The following WWOX variants were observed in gnomAD, a reference collection of about 807,000 sequenced individuals.
WWOX encodes WW domain containing oxidoreductase.
WWOX carries 69 observed loss-of-function variants against 46.2 expected under a neutral mutation model. That is an observed-to-expected ratio of 1.49 (90% CI 1.23 to 1.82). The LOEUF (loss-of-function observed/expected upper bound fraction) is 1.82, where lower values mean the gene tolerates loss of function less well. WWOX is among the 40% of genes most tolerant of loss of function. The pLI is 0.00. For missense variants in WWOX, 919 were observed against 542.6 expected (o/e 1.69, Z -6.89); for synonymous variants, 359 against 202.6 (o/e 1.77, Z -6.56).
chr16:78,123,860 C>T (rs1411155643), intron 4 of WWOX: 1 of 152,080 alleles, frequency 6.6e-6, no homozygotes, highest in African/African-American at 2.4e-5. Flanking sequence ...ATGATACATT[C>T]TTGCTGTAGA....
At chr16:78,331,847 T>G (rs1156343983) in intron 5 of WWOX, among the ~76,000 whole-genome samples, 1 of 152,222 alleles carries the variant, frequency 6.6e-6, no homozygotes, top group Admixed American at 6.5e-5. Flanking sequence ...CAACAACGTG[T>G]CAGATGTCTG....
intron 8 of WWOX, among the ~76,000 whole-genome samples, chr16:78,703,953 A>G (rs569422675): frequency 5.9e-4 from 90 of 152,214 alleles, no homozygotes; most frequent in African/African-American, 1.7e-4. Context: ...ATACCATAAT[A>G]TTTATCATTT....
In WWOX at chr16:78,824,526, G is replaced by C. The variant is rs544843826; in HGVS notation, c.1057-387082G>C. The stretch of plus-strand genomic sequence containing the variant: ...GTTTGTTTTTCACGCTGCTGATAAA[G>C]ACACACCCGAGACTGGGAAGAAAAA... On this transcript the variant is annotated intron_variant, in intron 8 of 8. Transcript: ENST00000566780. Among the ~76,000 whole-genome samples, 105 of 152,134 alleles carry C rather than the reference G, an allele frequency of 6.9e-4. 1 individual carries two copies. Among genetic ancestry groups the C allele is most frequent in the Non-Finnish European group, 1.2e-3 (79 of 68,032 alleles).
intron 8 of WWOX, among the ~76,000 whole-genome samples, chr16:78,919,323 T>C (rs1597150530): frequency 6.6e-6 from 1 of 151,772 alleles, no homozygotes; most frequent in East Asian, 2.0e-4. Context: ...TCACCCAGGA[T>C]CAAGCAGAGG....
intron 8 of WWOX, among the ~76,000 whole-genome samples, chr16:78,734,366 G>T (rs115721158): frequency 2.0e-5 from 3 of 152,016 alleles, no homozygotes; most frequent in Non-Finnish European, 4.4e-5. Flanking sequence ...TATTTATATC[G>T]CTGTTTGGCC....
chr16:78,971,841 A>G lies in WWOX; in HGVS notation c.1057-239767A>G, dbSNP rs146065007. On this transcript the variant is annotated intron_variant, in intron 8 of 8. Coordinates refer to ENST00000566780, the MANE Select transcript of WWOX (RefSeq NM_016373.4). ...TTTAAAGAGAACACTAACAAGAGAAAGCTAGTTCATTTTTCTTCCTGGGAC... is the reference window on the plus strand; with the variant it reads ...TTTAAAGAGAACACTAACAAGAGAAGGCTAGTTCATTTTTCTTCCTGGGAC... Among the ~76,000 whole-genome samples the G allele has an allele frequency of 2.9e-3, 435 of 152,222 alleles. 3 individuals are homozygous for G. The highest frequency in any genetic ancestry group is 0.01 in the African/African-American group (425 of 41,534).
chr16:79,166,513 G>A (rs1480613203), intron 8 of WWOX, among the ~76,000 whole-genome samples: 1 of 152,050 alleles, frequency 6.6e-6, no homozygotes, highest in Non-Finnish European at 1.5e-5. Flanking sequence ...ACACCATACG[G>A]GCAGTAGTCC....
intron 8 of WWOX, chr16:78,526,565 C>T (rs112959416): frequency 6.6e-6 from 1 of 152,130 alleles, no homozygotes; most frequent in African/African-American, 2.4e-5. Context: ...CTAGGGCAAA[C>T]AGGTGTCCCC....
At chr16:78,628,391 G>C (rs1192382302) in intron 8 of WWOX, among the ~76,000 whole-genome samples, 1 of 152,128 alleles carries the variant, frequency 6.6e-6, no homozygotes, top group Non-Finnish European at 1.5e-5. Context: ...TGGCCATTCT[G>C]ATTTACTAGG....
chr16:79,089,973 AGG>A (rs147718547), intron 8 of WWOX: 2 of 147,252 alleles, frequency 1.4e-5, no homozygotes, highest in Non-Finnish European at 3.0e-5. Flanking sequence ...AAAAAAAAAA[AGG>A]GGGGGCCGGC....
chr16:78,938,327 C>T (rs977614678), intron 8 of WWOX, among the ~76,000 whole-genome samples: 2 of 152,206 alleles, frequency 1.3e-5, no homozygotes, highest in East Asian at 3.9e-4. Context: ...TCCTTCAGAG[C>T]TTGGCCTCCA....
chr16:78,794,871 TG>T (rs1400817406), intron 8 of WWOX, among the ~76,000 whole-genome samples: 1 of 152,244 alleles, frequency 6.6e-6, no homozygotes, highest in African/African-American at 2.4e-5. Context: ...TGACTTTGAC[TG>T]GGTTAGTGAC....
At chr16:78,527,818 A>G (rs2043513551) in intron 8 of WWOX, among the ~76,000 whole-genome samples, 1 of 151,284 alleles carries the variant, frequency 6.6e-6, no homozygotes, top group African/African-American at 2.4e-5. Flanking sequence ...GGTAGAGGAT[A>G]GGGGGGAAAA....
In WWOX at chr16:78,099,808, C is replaced by T. The variant is rs373146723; in HGVS notation, c.30C>T (p.Asp10=). 1.3e-5 allele frequency: 21 copies of T among 1,574,556 alleles called. No individual in the cohort carries two copies. Among genetic ancestry groups the T allele is most frequent in the Non-Finnish European group, 1.6e-5 (19 of 1,161,646 alleles). MAALRYAGL[D]DTDSEDELPP... Reference sequence around the variant, plus strand: ...CAGCGCTGCGCTACGCGGGGCTGGACGACACGGACAGTGAGGACGAGCTGC... The same window carrying T: ...CAGCGCTGCGCTACGCGGGGCTGGATGACACGGACAGTGAGGACGAGCTGC... Residue 10 remains aspartate, a synonymous_variant, in exon 1 of 9, where the codon GAC becomes GAT. Transcript: ENST00000566780.
At chr16:78,579,774 T>TGA (rs2045001469) in intron 8 of WWOX, among the ~76,000 whole-genome samples, 1 of 152,170 alleles carries the variant, frequency 6.6e-6, no homozygotes, top group Non-Finnish European at 1.5e-5. Context: ...TTGTGAGAAA[T>TGA]GAGGAGATAA....
chr16:78,480,008 C>G (rs766025886), intron 8 of WWOX, among the ~76,000 whole-genome samples: 3 of 152,156 alleles, frequency 2.0e-5, no homozygotes, highest in Non-Finnish European at 2.9e-5. Flanking sequence ...CTAGCTTGTT[C>G]TCACTGAAGC....
intron 5 of WWOX, among the ~76,000 whole-genome samples, chr16:78,234,210 G>A (rs190854888): frequency 2.0e-5 from 3 of 151,994 alleles, no homozygotes; most frequent in Admixed American, 6.6e-5. Context: ...TTAATATACA[G>A]CCTTTATAAA....
At chr16:78,208,617 G>GT (rs1320066926) in intron 5 of WWOX, among the ~76,000 whole-genome samples, 3 of 152,128 alleles carry the variant, frequency 2.0e-5, no homozygotes, top group Non-Finnish European at 4.4e-5. Flanking sequence ...ATGTAATTGG[G>GT]TTTTATAAAT....
intron 8 of WWOX, among the ~76,000 whole-genome samples, chr16:79,020,067 C>G (rs1038860227): frequency 2.4e-4 from 36 of 152,214 alleles, no homozygotes; most frequent in African/African-American, 8.2e-4. Context: ...CTTATGTCAT[C>G]TGCATGGTTG....
Sources: gnomAD v4.1 joint callset for allele counts (sites outside exome capture counted in the v4.1 genomes callset) on GRCh38, gnomAD v4.1.1 for gene constraint, MANE v1.5 for transcripts, NCBI Gene and HGNC (gene_info 2026-07-23, HGNC 2026-07-21) for gene names.